Variants in MBNL2 observed in about 807,000 individuals in gnomAD.
MBNL2 encodes muscleblind like splicing regulator 2.
Under a neutral mutation model 41.9 loss-of-function variants are expected in MBNL2, and 17 were observed. That is an observed-to-expected ratio of 0.41 (90% CI 0.28 to 0.61). The LOEUF is 0.61. MBNL2 is among the 20% of genes least tolerant of loss of function. The probability of loss-of-function intolerance (pLI) is 0.35; values close to 1 mark genes in which losing one functional copy is unlikely to be tolerated. For missense variants in MBNL2, 336 were observed against 505.6 expected (o/e 0.66, Z 3.22); for synonymous variants, 195 against 182.9 (o/e 1.07, Z -0.53).
chr13:97,241,503 G>A (rs2044271828), intron 1 of MBNL2, among the ~76,000 whole-genome samples: 1 of 152,204 alleles, frequency 6.6e-6, no homozygotes, highest in Admixed American at 6.5e-5. Context: ...CCAAATCAAA[G>A]TATATCTACA....
chr13:97,302,109 G>A (rs1269002969), intron 2 of MBNL2, among the ~76,000 whole-genome samples: 1 of 152,240 alleles, frequency 6.6e-6, no homozygotes, highest in Non-Finnish European at 1.5e-5. Context: ...ATCTCCCCTT[G>A]CTTCTGCCCC....
chr13:97,314,853 C>T (rs1345848387), intron 2 of MBNL2, among the ~76,000 whole-genome samples: 1 of 152,124 alleles, frequency 6.6e-6, no homozygotes, highest in Non-Finnish European at 1.5e-5. Flanking sequence ...GCTCTGTGAC[C>T]ACTGATAAAC....
At chr13:97,230,857 C>G (rs1385810506) in intron 1 of MBNL2, among the ~76,000 whole-genome samples, 2 of 152,156 alleles carry the variant, frequency 1.3e-5, no homozygotes, top group African/African-American at 4.8e-5. Context: ...TGTTTAGAGC[C>G]ACAGAATATT....
At chr13:97,288,761 T>C (rs2055186949) in intron 2 of MBNL2, among the ~76,000 whole-genome samples, 1 of 152,026 alleles carries the variant, frequency 6.6e-6, no homozygotes, top group South Asian at 2.1e-4. Context: ...CTCAGCACCA[T>C]CATGACCAAG....
intron 1 of MBNL2, among the ~76,000 whole-genome samples, chr13:97,222,746 A>G (rs572101424): frequency 3.2e-4 from 49 of 152,330 alleles, no homozygotes; most frequent in African/African-American, 1.2e-3. Context: ...GAGGCAAGAA[A>G]TCGAGTTTTT....
At chr13:97,273,887 C>T (rs1040213881) in intron 1 of MBNL2, among the ~76,000 whole-genome samples, 20 of 151,902 alleles carry the variant, frequency 1.3e-4, no homozygotes, top group African/African-American at 4.8e-4. Flanking sequence ...ATGGTGAAAC[C>T]CCACCTCTAC....
At chr13:97,331,020 T>C (rs892233560) in intron 2 of MBNL2, among the ~76,000 whole-genome samples, 1 of 152,236 alleles carries the variant, frequency 6.6e-6, no homozygotes, top group Non-Finnish European at 1.5e-5. Flanking sequence ...ACATAAAATA[T>C]TTGAATAAGT....
intron 5 of MBNL2, 56 bp downstream of exon 5, chr13:97,347,123 G>A (rs940572828): frequency 3.0e-6 from 4 of 1,350,832 alleles, no homozygotes; most frequent in Admixed American, 3.0e-5. Context: ...AGGCCGCTCC[G>A]GGCTGGGACT....
chr13:97,374,747 C>T (rs1418195427), intron 8 of MBNL2, among the ~76,000 whole-genome samples: 1 of 151,898 alleles, frequency 6.6e-6, no homozygotes, highest in Middle Eastern at 3.2e-3. Context: ...AAGTCATATT[C>T]CCAGTCGTAT....
chr13:97,240,994 C>A (rs553474277), intron 1 of MBNL2, among the ~76,000 whole-genome samples: 12 of 152,288 alleles, frequency 7.9e-5, no homozygotes, highest in South Asian at 2.1e-4. Context: ...AAATGAATGA[C>A]TGACTGACTG....
upstream of MBNL2, among the ~76,000 whole-genome samples, chr13:97,221,839 A>T (rs1156904800): frequency 6.6e-6 from 1 of 152,244 alleles, no homozygotes; most frequent in African/African-American, 2.4e-5. Context: ...GGGCTAGCAC[A>T]TTCTTCCTCA....
rs987889205 is a variant in MBNL2 at position 97,334,139 on chromosome 13, C to T, written c.175-137C>T. Reference sequence around the variant, plus strand: ...TCCCCAACAAACACATGAGCATGCGCGCGCACACCCACACACACACACACA... The same window carrying T: ...TCCCCAACAAACACATGAGCATGCGTGCGCACACCCACACACACACACACA... On this transcript the variant is annotated intron_variant, in intron 2 of 8. Coordinates refer to ENST00000679496, the MANE Select transcript of MBNL2 (RefSeq NM_001382683.1). This position sits in a 1 kb window ranked among gnomAD's most constrained non-coding sequence, Gnocchi z 5.3. The T allele has an allele frequency of 2.0e-4, 112 of 568,460 alleles. No individual in the cohort carries two copies. Among genetic ancestry groups the T allele is most frequent in the Middle Eastern group, 7.9e-4 (2 of 2,536 alleles). The allele number at this position is 568,460 out of a possible 1,614,324, so 35.2% of individuals were successfully genotyped here. A position where few individuals can be genotyped will look rare whatever the true frequency, so the allele number is the denominator to read the frequency against.
upstream of MBNL2, among the ~76,000 whole-genome samples, chr13:97,217,751 G>A (rs2040495438): frequency 6.6e-6 from 1 of 152,184 alleles, no homozygotes; most frequent in Non-Finnish European, 1.5e-5. Context: ...GTGAGTTTAT[G>A]CATGTAAACA....
intron 1 of MBNL2, among the ~76,000 whole-genome samples, chr13:97,236,520 T>G (rs1249386428): frequency 6.6e-6 from 1 of 152,108 alleles, no homozygotes; most frequent in African/African-American, 2.4e-5. Flanking sequence ...GGTCTTTTTT[T>G]TTTTTTTGTC....
chr13:97,287,722 T>TG (rs1491164723), intron 2 of MBNL2, among the ~76,000 whole-genome samples: 26 of 98,756 alleles, frequency 2.6e-4, no homozygotes, highest in African/African-American at 1.7e-3. Context: ...TTTTCTTTTC[T>TG]TTTTTTTTTT....
the MBNL2 span, among the ~76,000 whole-genome samples, chr13:97,157,972 A>G: frequency 6.7e-6 from 1 of 148,316 alleles, no homozygotes; most frequent in Admixed American, 6.7e-5. Context: ...AAGGAATGGT[A>G]CCAGTTCCTC....
chr13:97,385,207 CT>C (rs1328857365), intron 8 of MBNL2, among the ~76,000 whole-genome samples: 1 of 152,074 alleles, frequency 6.6e-6, no homozygotes, highest in African/African-American at 2.4e-5. Flanking sequence ...GATACTGGGG[CT>C]ATAAAGATGA....
At position 97,392,191 on chromosome 13, in the gene MBNL2, C is replaced by T. The variant is rs1294532009; in HGVS notation, c.*742C>T. The stretch of plus-strand genomic sequence containing the variant: ...CTTGACAAGATTGAGAGGCCCATGC[C>T]AACAGTCTAATCTAAGAGATTAGTC... On this transcript the variant is annotated 3_prime_UTR_variant, in exon 9 of 9. Coordinates refer to ENST00000679496, the MANE Select transcript of MBNL2 (RefSeq NM_001382683.1). The T allele has an allele frequency of 6.6e-6, 1 of 152,560 alleles. No individual in the cohort carries two copies. The highest frequency in any genetic ancestry group is 2.4e-5 in the African/African-American group (1 of 41,442). 9.5% of individuals were successfully genotyped at this position (152,560 alleles called of 1,614,324 possible). A position where few individuals can be genotyped will look rare whatever the true frequency, so the allele number is the denominator to read the frequency against.
intron 7 of MBNL2, among the ~76,000 whole-genome samples, chr13:97,360,385 C>T (rs932788291): frequency 6.6e-6 from 1 of 152,094 alleles, no homozygotes; most frequent in Non-Finnish European, 1.5e-5. Flanking sequence ...GCTTGATGGC[C>T]TAGCACATTT....
Sources: gnomAD v4.1 joint callset for allele counts (sites outside exome capture counted in the v4.1 genomes callset) on GRCh38, gnomAD v4.1.1 for gene constraint, Gnocchi (gnomAD v3.1) non-coding constraint, MANE v1.5 for transcripts, NCBI Gene and HGNC (gene_info 2026-07-23, HGNC 2026-07-21) for gene names.